DLG2: variants seen among roughly 807,000 people sequenced by gnomAD.
DLG2 encodes the protein disks large homolog 2.
DLG2 carries 45 observed loss-of-function variants against 132.5 expected under a neutral mutation model. The observed-to-expected ratio is 0.34, with a 90% CI of 0.27 to 0.44. The LOEUF (loss-of-function observed/expected upper bound fraction) is 0.44, where lower values mean the gene tolerates loss of function less well. DLG2 is among the 20% of genes least tolerant of loss of function. The pLI is 1.00. For missense variants in DLG2, 1,045 were observed against 1,196.9 expected, an observed-to-expected ratio of 0.87 and a Z score of 1.87; for synonymous variants, 424 against 419.6, an observed-to-expected ratio of 1.01 and a Z score of -0.13.
intron 11 of DLG2, among the ~76,000 whole-genome samples, chr11:84,010,797 CATTA>C (rs141696918): frequency 0.017 from 2,521 of 152,210 alleles, 71 homozygotes; most frequent in African/African-American, 0.057. Context: ...GCATTATTAT[CATTA>C]ATTATGTGCT....
Position 85,463,253 on chromosome 11 carries a change from T to G in DLG2, c.40+135404A>C, listed in dbSNP as rs1046708076. Among the ~76,000 whole-genome samples the G allele has an allele frequency of 5.9e-5, 9 of 152,302 alleles. 1 individual carries two copies. Among genetic ancestry groups the G allele is most frequent in the African/African-American group, 2.2e-4 (9 of 41,574 alleles). ...CTCTTTTATGGGTCCCATGCTAAAT[T>G]AATTACTCAATAATAACTGCAAAGT... On this transcript the variant is annotated intron_variant, in intron 3 of 27. Coordinates refer to ENST00000376104, the MANE Select transcript of DLG2 (RefSeq NM_001142699.3).
At chr11:84,373,280 A>T (rs1226599) in intron 7 of DLG2, among the ~76,000 whole-genome samples, 3 of 147,302 alleles carry the variant, frequency 2.0e-5, no homozygotes, top group East Asian at 3.9e-4. Flanking sequence ...CAAAAAAAAA[A>T]CCCACCAGGC....
rs200981495 is a variant in DLG2 at position 83,577,037 on chromosome 11, TGGGGAA to T, written c.1941-35185_1941-35180del. On this transcript the variant is annotated intron_variant, in intron 19 of 27. Transcript: ENST00000376104. ...GAGATTAACATTTGAGTCAGTGGGC[TGGGGAA>T]GGCAGATCCACCCTTAATCTGGTAG... Among the ~76,000 whole-genome samples, 1,481 of 152,262 alleles carry T rather than the reference TGGGGAA, an allele frequency of 9.7e-3. 31 individuals carry two copies. The highest frequency in any genetic ancestry group is 0.034 in the African/African-American group (1,397 of 41,540).
intron 9 of DLG2, among the ~76,000 whole-genome samples, chr11:84,137,438 A>ATGTG (rs34707637): frequency 1.3e-5 from 2 of 151,444 alleles, no homozygotes; most frequent in African/African-American, 2.4e-5. Flanking sequence ...ACCAAATTTT[A>ATGTG]TGTGTGTGTG....
At chr11:85,170,976 C>T (rs1318106448) in intron 4 of DLG2, among the ~76,000 whole-genome samples, 1 of 150,796 alleles carries the variant, frequency 6.6e-6, no homozygotes, top group East Asian at 1.9e-4. Flanking sequence ...CTCTTCCTTA[C>T]AGGAAAATGT....
chr11:84,178,428 G>A (rs1236807350), intron 8 of DLG2, among the ~76,000 whole-genome samples: 6 of 152,210 alleles, frequency 3.9e-5, no homozygotes, highest in African/African-American at 4.8e-5. Flanking sequence ...ATGAAAGGTC[G>A]TGAGTATCCT....
At chr11:84,183,909 C>T (rs1356462309) in intron 8 of DLG2, among the ~76,000 whole-genome samples, 1 of 152,126 alleles carries the variant, frequency 6.6e-6, no homozygotes, top group African/African-American at 2.4e-5. Flanking sequence ...ATGAACTCAT[C>T]CTTTTTTATG....
chr11:84,370,441 A>C (rs915686732), intron 7 of DLG2, among the ~76,000 whole-genome samples: 21 of 152,174 alleles, frequency 1.4e-4, no homozygotes, highest in African/African-American at 5.1e-4. Context: ...GGGGTCAGAC[A>C]GATAGGTAGA....
intron 7 of DLG2, among the ~76,000 whole-genome samples, chr11:84,467,022 T>C (rs963446085): frequency 1.7e-4 from 26 of 151,190 alleles, no homozygotes; most frequent in Non-Finnish European, 5.9e-5. Flanking sequence ...CTATCTTTGC[T>C]CACTAAAAGG....
chr11:85,549,198 G>A (rs142228291), intron 3 of DLG2, among the ~76,000 whole-genome samples: 1 of 152,248 alleles, frequency 6.6e-6, no homozygotes, highest in East Asian at 1.9e-4. Context: ...TGGAGTACAT[G>A]GTACAGTCCC....
At chr11:84,536,651 T>C (rs1330107545) in intron 6 of DLG2, among the ~76,000 whole-genome samples, 2 of 152,196 alleles carry the variant, frequency 1.3e-5, no homozygotes, top group Non-Finnish European at 2.9e-5. Flanking sequence ...CTCCCACGTC[T>C]GCTCCACATT....
chr11:85,545,594 T>C lies in DLG2; in HGVS notation c.40+53063A>G, dbSNP rs540506174. On this transcript the variant is annotated intron_variant, in intron 3 of 27. Transcript: ENST00000376104. Reference sequence around the variant, plus strand: ...GCTCCTCCTTGTACCTCTGGTAGAATTTGGCTGTGAATCCATGTGGTCCTG... The same window carrying C: ...GCTCCTCCTTGTACCTCTGGTAGAACTTGGCTGTGAATCCATGTGGTCCTG... Among the ~76,000 whole-genome samples the C allele has an allele frequency of 9.2e-5, 14 of 152,298 alleles. No homozygotes were observed. The South Asian group carries it at 2.9e-3, about 32-fold the overall frequency.
intron 6 of DLG2, among the ~76,000 whole-genome samples, chr11:84,982,689 A>G (rs2154120428): frequency 6.6e-6 from 1 of 152,268 alleles, no homozygotes; most frequent in South Asian, 2.1e-4. Context: ...TAAACAAAAT[A>G]TCCTCAAATA....
intron 6 of DLG2, among the ~76,000 whole-genome samples, chr11:84,596,379 C>CTTTTTT (rs1211350827): frequency 2.5e-5 from 3 of 121,740 alleles, no homozygotes; most frequent in Admixed American, 8.7e-5. Flanking sequence ...AGATAATTTT[C>CTTTTTT]TTTTTTTTTT....
intron 6 of DLG2, among the ~76,000 whole-genome samples, chr11:85,034,970 T>G (rs1336127363): frequency 1.3e-5 from 2 of 152,178 alleles, no homozygotes; most frequent in East Asian, 1.9e-4. Flanking sequence ...TCAACCTCAA[T>G]GCACCAGCCA....
At chr11:84,538,327 T>C (rs1482420067) in intron 6 of DLG2, among the ~76,000 whole-genome samples, 1 of 152,236 alleles carries the variant, frequency 6.6e-6, no homozygotes, top group Non-Finnish European at 1.5e-5. Context: ...CAGATGCTAT[T>C]GTGTCCCCAT....
chr11:84,428,408 G>A (rs1264594914), intron 7 of DLG2, among the ~76,000 whole-genome samples: 1 of 152,184 alleles, frequency 6.6e-6, no homozygotes, highest in Non-Finnish European at 1.5e-5. Context: ...AGCTTGGGCT[G>A]CCATAACAAA....
At chr11:83,555,499 G>T (rs543153614) in intron 19 of DLG2, among the ~76,000 whole-genome samples, 5 of 152,176 alleles carry the variant, frequency 3.3e-5, no homozygotes, top group African/African-American at 1.2e-4. Flanking sequence ...GTGGCAATAG[G>T]ATGGACAGAG....
intron 18 of DLG2, among the ~76,000 whole-genome samples, chr11:83,710,468 T>C (rs571426994): frequency 6.6e-6 from 1 of 152,278 alleles, no homozygotes; most frequent in South Asian, 2.1e-4. Context: ...GGCCAGATAC[T>C]TTTCATCCAC....
Sources: gnomAD v4.1 joint callset for allele counts (sites outside exome capture counted in the v4.1 genomes callset) on GRCh38, gnomAD v4.1.1 for gene constraint, MANE v1.5 for transcripts, NCBI Gene and HGNC (gene_info 2026-07-23, HGNC 2026-07-21) for gene names.